Variants in PRR14L observed in about 807,000 individuals in gnomAD.
The protein encoded by PRR14L is proline rich 14 like.
In PRR14L, 80 loss-of-function variants were observed where a neutral mutation model predicts 155.0. That is an observed-to-expected ratio of 0.52 (90% CI 0.43 to 0.62). PRR14L has a LOEUF of 0.62. Ranked by LOEUF, PRR14L falls within the 20% of genes least tolerant of loss-of-function variation. The pLI, the probability that PRR14L is intolerant of heterozygous loss-of-function variation, is 0.00. For missense variants in PRR14L, 2,469 were observed against 2,548.0 expected (o/e 0.97, Z 0.67); for synonymous variants, 883 against 916.0 (o/e 0.96, Z 0.65).
Position 31,715,250 on chromosome 22 carries a change from C to A in PRR14L, c.2589G>T (p.Thr863=). 1.3e-6 allele frequency: 2 copies of A among 1,552,312 alleles called. No individual in the cohort carries two copies. Among genetic ancestry groups the A allele is most frequent in the Non-Finnish European group, 1.7e-6 (2 of 1,147,130 alleles). Residue 863 remains threonine (T), a synonymous_variant, in exon 4 of 9, where the codon ACG becomes ACT. Coordinates refer to ENST00000327423, the MANE Select transcript of PRR14L (RefSeq NM_173566.3). The part of the protein sequence containing the change: ...SQERELDGKE[T]NGSLPGDKIR... ...TCTTATCTCCTGGAAGGCTGCCATT[C>A]GTTTCTTTCCCATCAAGTTCCCTTT...
intron 7 of PRR14L, among the ~76,000 whole-genome samples, chr22:31,699,833 C>G (rs2074553963): frequency 1.3e-5 from 2 of 150,520 alleles, no homozygotes; most frequent in Admixed American, 1.3e-4. Context: ...CCAGGCTTTT[C>G]CATAAACTTA....
chr22:31,704,736 AG>A lies in PRR14L; in HGVS notation c.5757-11del. On this transcript the variant is annotated splice_polypyrimidine_tract_variant and intron_variant, in intron 4 of 8. Transcript: ENST00000327423. ...TGGTAACATGGTGTGGCTAAAGTAA[AG>A]CAAAAGTACAAAAGCAATAGGTAAG... 1.2e-6 allele frequency: 2 copies of A among 1,612,790 alleles called. No individual in the cohort carries two copies. The highest frequency in any genetic ancestry group is 2.2e-5 in the East Asian group (1 of 44,870).
rs1556487254 is a variant in PRR14L at position 31,745,854 on chromosome 22, A to AT, written c.-52+4138_-52+4139insA. The stretch of plus-strand genomic sequence containing the variant: ...AGGGAGACTCAGTTTAAAAAAAAAA[A>AT]AAAAAAAATATATATATATATATAA... On this transcript the variant is annotated intron_variant, in intron 1 of 8. Transcript: ENST00000327423. Among the ~76,000 whole-genome samples, 316 of 130,308 alleles carry AT rather than the reference A, an allele frequency of 2.4e-3. 1 individual carries two copies. The highest frequency in any genetic ancestry group is 7.1e-3 in the African/African-American group (269 of 37,846). The allele number at this position is 130,308 out of a possible 152,430, so 85.5% of individuals were successfully genotyped here. A position where few individuals can be genotyped will look rare whatever the true frequency, so the allele number is the denominator to read the frequency against.
chr22:31,731,968 A>C (rs2074752673), intron 2 of PRR14L, among the ~76,000 whole-genome samples: 1 of 152,152 alleles, frequency 6.6e-6, no homozygotes, highest in Non-Finnish European at 1.5e-5. Flanking sequence ...TTGTCTAGTT[A>C]GTTATTTTTC....
At chr22:31,725,828 C>T (rs2074713774) in intron 2 of PRR14L, among the ~76,000 whole-genome samples, 1 of 152,090 alleles carries the variant, frequency 6.6e-6, no homozygotes, top group Admixed American at 6.6e-5. Context: ...ACTACTACGC[C>T]TGGCTAATTT....
chr22:31,735,971 T>C (rs2074778048), intron 2 of PRR14L, among the ~76,000 whole-genome samples: 1 of 150,662 alleles, frequency 6.6e-6, no homozygotes, highest in Non-Finnish European at 1.5e-5. Flanking sequence ...GAGAATGGCG[T>C]GAACCCGGAA....
chr22:31,721,047 A>T (rs1401200000), intron 3 of PRR14L, among the ~76,000 whole-genome samples: 1 of 152,254 alleles, frequency 6.6e-6, no homozygotes. Flanking sequence ...ACTTGATAAC[A>T]TCAGTTTTGT....
chr22:31,738,936 A>C, intron 1 of PRR14L, 25 bp from the exon 2 acceptor site: 1 of 1,051,296 alleles, frequency 9.5e-7, no homozygotes, highest in Non-Finnish European at 1.4e-6. Flanking sequence ...AGGAAGGGAT[A>C]AAAGTTTAAA....
At position 31,715,066 on chromosome 22, in the gene PRR14L, C is replaced by T; in HGVS notation, c.2773G>A (p.Ala925Thr). ...VFCKYNISDH[A>T]IQELNQTVNI... The stretch of plus-strand genomic sequence containing the variant: ...ACAGTCTGGTTTAGTTCTTGTATAG[C>T]ATGATCAGAGATGTTATACTTACAA... Residue 925 changes from alanine to threonine, a missense_variant, in exon 4 of 9, where the codon GCT becomes ACT. By Grantham distance (58) the Ala-to-Thr change is moderately conservative. This residue lies in a region of PRR14L where 2,363 missense variants were observed against 2,371.6 expected (regional missense o/e 1.00). Transcript: ENST00000327423. The T allele has an allele frequency of 1.3e-6, 2 of 1,551,692 alleles. No individual in the cohort carries two copies. The highest frequency in any genetic ancestry group is 1.7e-6 in the Non-Finnish European group (2 of 1,146,826).
intron 7 of PRR14L, among the ~76,000 whole-genome samples, chr22:31,688,659 T>C (rs1388957515): frequency 6.6e-6 from 1 of 152,172 alleles, no homozygotes; most frequent in African/African-American, 2.4e-5. Context: ...TAGATTTATA[T>C]ATATTATTTT....
At chr22:31,711,143 T>C (rs746767559) in intron 4 of PRR14L, among the ~76,000 whole-genome samples, 1 of 152,160 alleles carries the variant, frequency 6.6e-6, no homozygotes, top group Non-Finnish European at 1.5e-5. Context: ...TCACTTGTAA[T>C]GGGTGTTTGT....
At chr22:31,711,904 G>T (rs1441924044) in intron 4 of PRR14L, among the ~76,000 whole-genome samples, 179 bp downstream of exon 4, 1 of 152,030 alleles carries the variant, frequency 6.6e-6, no homozygotes, top group Non-Finnish European at 1.5e-5. Flanking sequence ...AGGGGGTGGG[G>T]GTCCTATGCT....
Position 31,701,722 on chromosome 22 carries a change from C to T in PRR14L, c.6041G>A (p.Arg2014His), listed in dbSNP as rs1443692124. The part of the protein sequence containing the change: ...EKRPKKVSQI[R>H]IRKTIPRPDP... ...TGGCCTAGGAATGGTTTTCCGGATG[C>T]GAATCTGTGAGACTTTCTTTGGCCT... is the stretch of plus-strand genomic sequence containing the variant. Residue 2014 changes from arginine to histidine, a missense_variant, in exon 7 of 9, where the codon CGC becomes CAC. Arg to His is a conservative substitution (Grantham distance 29). Coordinates refer to ENST00000327423, the MANE Select transcript of PRR14L (RefSeq NM_173566.3). 5.6e-6 allele frequency: 9 copies of T among 1,613,996 alleles called. No homozygotes were observed. The highest frequency in any genetic ancestry group is 3.3e-5 in the South Asian group (3 of 91,084).
rs2074651036 is a variant in PRR14L at position 31,715,368 on chromosome 22, T to C, written c.2471A>G (p.Tyr824Cys). Residue 824 changes from tyrosine to cysteine, a missense_variant, in exon 4 of 9, where the codon TAT becomes TGT. Around this residue, in one of 2 missense-constraint regions of PRR14L, gnomAD observed 2,363 missense variants for 2,371.6 expected, o/e 1.00. Coordinates refer to ENST00000327423, the MANE Select transcript of PRR14L (RefSeq NM_173566.3). The stretch of plus-strand genomic sequence containing the variant: ...ATCACGGTGCTGAAATGCATTTTCA[T>C]ATTTTGTTATCAAAGAGTTATCAAC... ...LQVDNSLITK[Y>C]ENAFQHRDHC... 1 of 1,552,038 alleles carries C rather than the reference T, an allele frequency of 6.4e-7. No homozygotes were observed. Among genetic ancestry groups the C allele is most frequent in the Non-Finnish European group, 8.7e-7 (1 of 1,147,098 alleles).
rs926317725 is a variant in PRR14L, at chr22:31,684,434, A to G, written c.*1093T>C. 1 of 152,240 alleles carries G rather than the reference A, an allele frequency of 6.6e-6. No homozygotes were observed. The highest frequency in any genetic ancestry group is 6.5e-5 in the Admixed American group (1 of 15,272). 9.4% of individuals were successfully genotyped at this position (152,240 alleles called of 1,614,324 possible). Reference sequence around the variant, plus strand: ...GTGGGTCAGCCTGTATCACTGCCCAAGCCGTTGTACTCAATTTTGTTACCT... The same window carrying G: ...GTGGGTCAGCCTGTATCACTGCCCAGGCCGTTGTACTCAATTTTGTTACCT... On this transcript the variant is annotated 3_prime_UTR_variant, in exon 9 of 9. Coordinates refer to ENST00000327423, the MANE Select transcript of PRR14L (RefSeq NM_173566.3).
chr22:31,703,410 T>C (rs1266676105), intron 6 of PRR14L, 140 bp downstream of exon 6: 3 of 729,956 alleles, frequency 4.1e-6, no homozygotes, highest in South Asian at 2.1e-5. Flanking sequence ...CCTGGCTTAG[T>C]ACTCTCCAGA....
chr22:31,702,286 G>A (rs1259205487), intron 6 of PRR14L, among the ~76,000 whole-genome samples: 1 of 152,036 alleles, frequency 6.6e-6, no homozygotes, highest in Non-Finnish European at 1.5e-5. Flanking sequence ...GCAATGGCAT[G>A]GTCTTGGCTC....
Position 31,705,979 on chromosome 22 carries a change from C to T in PRR14L, c.5757-1253G>A, listed in dbSNP as rs544404145. 3.1e-3 allele frequency among the ~76,000 whole-genome samples: 462 copies of T among 150,958 alleles called. 1 individual carries two copies. Among genetic ancestry groups the T allele is most frequent in the Non-Finnish European group, 4.9e-3 (335 of 67,714 alleles). On this transcript the variant is annotated intron_variant, in intron 4 of 8. Coordinates refer to ENST00000327423, the MANE Select transcript of PRR14L (RefSeq NM_173566.3). ...TTATACCACTGCACTCCAGCCTGGG[C>T]GACAGAGGGAGACTCTGTCTCAAAA...
chr22:31,746,771 C>T (rs559182907), intron 1 of PRR14L, among the ~76,000 whole-genome samples: 4 of 150,886 alleles, frequency 2.7e-5, no homozygotes, highest in South Asian at 4.2e-4. Flanking sequence ...TCTTTGCAAA[C>T]GCACAAATAC....
Sources: allele counts gnomAD v4.1 joint callset (sites outside exome capture counted in the v4.1 genomes callset), GRCh38; gene constraint gnomAD v4.1.1; regional missense constraint gnomAD v4.1.1; transcripts MANE v1.5; gene names NCBI Gene and HGNC (gene_info 2026-07-23, HGNC 2026-07-21).